Variants in MCF2L observed in about 807,000 individuals in gnomAD.
MCF2L encodes the protein MCF.2 cell line derived transforming sequence like.
A neutral mutation model predicts 153.4 loss-of-function variants in MCF2L; 97 were observed. The observed-to-expected ratio is 0.63, with a 90% CI of 0.54 to 0.75. The LOEUF is 0.75. Ranked by LOEUF, MCF2L falls within the 30% of genes least tolerant of loss-of-function variation. The pLI, the probability that MCF2L is intolerant of heterozygous loss-of-function variation, is 0.00. For missense variants in MCF2L, 1,347 were observed against 1,495.2 expected (o/e 0.90, Z 1.64); for synonymous variants, 659 against 632.2 (o/e 1.04, Z -0.64).
intron 1 of MCF2L, among the ~76,000 whole-genome samples, chr13:112,995,390 G>A (rs2083083162): frequency 6.6e-6 from 1 of 152,226 alleles, no homozygotes; most frequent in African/African-American, 2.4e-5. Context: ...TCAGCACTAA[G>A]CTGTATGAGA....
At chr13:113,024,535 C>T in intron 2 of MCF2L, 109 bp from the exon 3 acceptor site, 1 of 666,804 alleles carries the variant, frequency 1.5e-6, no homozygotes, top group Non-Finnish European at 2.8e-6. Context: ...GAAGAACATG[C>T]CTCAGTTTTA....
intron 26 of MCF2L, 105 bp from the exon 27 acceptor site, chr13:113,094,409 G>T (rs1265066121): frequency 2.3e-5 from 28 of 1,240,574 alleles, no homozygotes; most frequent in Non-Finnish European, 2.9e-5. Context: ...GGGGCCCACG[G>T]CACACATTTC....
intron 1 of MCF2L, among the ~76,000 whole-genome samples, chr13:112,984,224 G>T (rs1566688748): frequency 6.6e-6 from 1 of 152,046 alleles, no homozygotes; most frequent in Non-Finnish European, 1.5e-5. Context: ...GTTTTACTTA[G>T]AATTTAGAAA....
chr13:112,994,704 G>A (rs1385922723), intron 1 of MCF2L, among the ~76,000 whole-genome samples: 1 of 152,186 alleles, frequency 6.6e-6, no homozygotes, highest in African/African-American at 2.4e-5. Flanking sequence ...CCGAGGGTGG[G>A]GCATCCTCCC....
chr13:112,966,442 A>G (rs78669397), upstream of MCF2L, among the ~76,000 whole-genome samples: 2,081 of 152,296 alleles, frequency 0.014, 30 homozygotes, highest in Non-Finnish European at 0.018. The surrounding 1 kb of genome is among the most constrained non-coding windows in gnomAD (Gnocchi z 4.1). Flanking sequence ...AGGCCCACCC[A>G]CGTTATGTCA....
intron 4 of MCF2L, among the ~76,000 whole-genome samples, chr13:113,048,437 C>CTT (rs35857164): frequency 0.014 from 1,503 of 104,114 alleles, 60 homozygotes; most frequent in East Asian, 0.051. Flanking sequence ...AATTTACGGT[C>CTT]TTTTTTTTTT....
chr13:112,990,725 G>A (rs540678722), intron 1 of MCF2L, among the ~76,000 whole-genome samples: 7 of 152,344 alleles, frequency 4.6e-5, no homozygotes, highest in South Asian at 4.1e-4. Context: ...TCTTCATCCC[G>A]TCCTTCTTCA....
intron 2 of MCF2L, among the ~76,000 whole-genome samples, chr13:112,926,553 T>C (rs2081409218): frequency 6.6e-6 from 1 of 152,186 alleles, no homozygotes; most frequent in African/African-American, 2.4e-5. Context: ...AGGGGGGTGC[T>C]GTGCCACCTG....
Position 112,915,136 on chromosome 13 carries a change from G to A in MCF2L, c.169+12765G>A, listed in dbSNP as rs1429173327. Among the ~76,000 whole-genome samples the A allele has an allele frequency of 7.2e-5, 11 of 151,978 alleles. No homozygotes were observed. In the East Asian group the frequency reaches 9.7e-4, roughly 13 times the overall value. The stretch of plus-strand genomic sequence containing the variant: ...ATCAAAATCTCCATGTTGGCCGGGC[G>A]TGGTGGCTCAAGCCTGTAATCCCAG... On this transcript the variant is annotated intron_variant, in intron 2 of 29. Transcript: ENST00000375608.
chr13:112,956,482 A>G (rs1312171804), intron 2 of MCF2L: 1 of 152,262 alleles, frequency 6.6e-6, no homozygotes, highest in African/African-American at 2.4e-5. Context: ...GACCCCTGAT[A>G]TATTTATGCA....
In MCF2L at chr13:113,045,426, C is replaced by A; in HGVS notation, c.369+65C>A. ...CCCTGGGCTGCATGACCGCATGGTG[C>A]CCTTCCTCTGTGTCTGCCGCAGTTC... On this transcript the variant is annotated intron_variant, in intron 4 of 29. Coordinates refer to ENST00000535094, the MANE Select transcript of MCF2L (RefSeq NM_001112732.3). The surrounding 1 kb of genome is among the most constrained non-coding windows in gnomAD (Gnocchi z 4.2). 1 of 1,326,050 alleles carries A rather than the reference C, an allele frequency of 7.5e-7. No homozygotes were observed. Among genetic ancestry groups the A allele is most frequent in the Non-Finnish European group, 1.1e-6 (1 of 922,548 alleles). 82.1% of individuals were successfully genotyped at this position (1,326,050 alleles called of 1,614,324 possible). A position where few individuals can be genotyped will look rare whatever the true frequency, so the allele number is the denominator to read the frequency against.
At chr13:112,900,652 A>C (rs1290118076) in intron 1 of MCF2L, among the ~76,000 whole-genome samples, 7 of 151,842 alleles carry the variant, frequency 4.6e-5, no homozygotes, top group African/African-American at 1.7e-4. Context: ...GCGGGTGGAG[A>C]AGCACAGCCT....
chr13:113,096,266 C>A, intron 27 of MCF2L, 105 bp from the exon 28 acceptor site: 1 of 871,828 alleles, frequency 1.1e-6, no homozygotes, highest in Non-Finnish European at 1.8e-6. Flanking sequence ...GCCAGGAGCT[C>A]CCACCGGGGC....
At chr13:112,920,555 G>A (rs993460739) in intron 2 of MCF2L, among the ~76,000 whole-genome samples, 2 of 152,104 alleles carry the variant, frequency 1.3e-5, no homozygotes, top group Non-Finnish European at 2.9e-5. Flanking sequence ...GGACAGGATG[G>A]CAAGTAGCCT....
At position 112,969,279 on chromosome 13, in the gene MCF2L, C is replaced by A. The variant is rs1415366616; in HGVS notation, c.-101C>A. 1.3e-6 allele frequency: 2 copies of A among 1,499,498 alleles called. No individual in the cohort carries two copies. The highest frequency in any genetic ancestry group is 2.5e-5 in the East Asian group (1 of 39,250). The allele number at this position is 1,499,498 out of a possible 1,614,324, so 92.9% of individuals were successfully genotyped here. ...GAAAGCGCTGCCGTGGCCCCCTCCC[C>A]GCCTCCGCCGCGCCCCCTCCGCACT... On this transcript the variant is annotated 5_prime_UTR_variant, in exon 1 of 30. Transcript: ENST00000535094. The surrounding 1 kb of genome is among the most constrained non-coding windows in gnomAD (Gnocchi z 4.8).
At position 113,045,095 on chromosome 13, in the gene MCF2L, G is replaced by A. The variant is rs1227232071; in HGVS notation, c.279-176G>A. 1 of 913,232 alleles carries A rather than the reference G, an allele frequency of 1.1e-6. No homozygotes were observed. Among genetic ancestry groups the A allele is most frequent in the East Asian group, 2.6e-5 (1 of 37,922 alleles). 56.6% of individuals were successfully genotyped at this position (913,232 alleles called of 1,614,324 possible). On this transcript the variant is annotated intron_variant, in intron 3 of 29. Transcript: ENST00000535094. The surrounding 1 kb of genome is among the most constrained non-coding windows in gnomAD (Gnocchi z 4.2). Reference sequence around the variant, plus strand: ...CCTTCCGTAGATGAGAGCAGGTTCTGGGACTGCGGGGATGGGGCTGCCGGG... The same window carrying A: ...CCTTCCGTAGATGAGAGCAGGTTCTAGGACTGCGGGGATGGGGCTGCCGGG...
At chr13:113,037,483 G>A (rs7332081) in intron 3 of MCF2L, among the ~76,000 whole-genome samples, 41,606 of 152,042 alleles carry the variant, frequency 0.27, 5,829 homozygotes, top group Middle Eastern at 0.36. Context: ...TACCCCTTTC[G>A]ACCTGGGTTA....
At chr13:113,030,637 C>T (rs1220316299) in intron 3 of MCF2L, among the ~76,000 whole-genome samples, 2 of 151,764 alleles carry the variant, frequency 1.3e-5, no homozygotes, top group African/African-American at 2.4e-5. Context: ...GGGTGTCTGC[C>T]GACACAGGTG....
intron 1 of MCF2L, among the ~76,000 whole-genome samples, chr13:112,896,762 T>A (rs902052097): frequency 2.0e-5 from 3 of 152,210 alleles, no homozygotes; most frequent in Admixed American, 6.5e-5. Flanking sequence ...GAGACTCTCA[T>A]GTGGCAGGTG....
Sources: allele counts gnomAD v4.1 joint callset (sites outside exome capture counted in the v4.1 genomes callset), GRCh38; gene constraint gnomAD v4.1.1; non-coding constraint Gnocchi (gnomAD v3.1); transcripts MANE v1.5; gene names NCBI Gene and HGNC (gene_info 2026-07-23, HGNC 2026-07-21).